DISP3: variants seen among roughly 807,000 people sequenced by gnomAD.
The protein encoded by DISP3 is protein dispatched homolog 3.
Under a neutral mutation model 135.3 loss-of-function variants are expected in DISP3, and 101 were observed. The observed-to-expected ratio is 0.75, with a 90% confidence interval of 0.64 to 0.88. The LOEUF (loss-of-function observed/expected upper bound fraction) is 0.88. Among genes scored for constraint, DISP3 ranks in the 40% least tolerant of loss-of-function variants. The pLI is 0.00. For missense variants in DISP3, 1,713 were observed against 1,878.6 expected, an observed-to-expected ratio of 0.91 and a Z score of 1.63; for synonymous variants, 856 against 817.0, an observed-to-expected ratio of 1.05 and a Z score of -0.81.
intron 1 of DISP3, among the ~76,000 whole-genome samples, chr1:11,500,319 G>A (rs978320873): frequency 1.3e-5 from 2 of 152,240 alleles, no homozygotes; most frequent in African/African-American, 4.8e-5. Flanking sequence ...TCCCCAGCCG[G>A]GAGCAGGGAA....
At position 11,499,435 on chromosome 1, in the gene DISP3, G is replaced by A. The variant is rs982766479; in HGVS notation, c.-3-1555G>A. On this transcript the variant is annotated intron_variant, in intron 1 of 20. Coordinates refer to ENST00000294484, the MANE Select transcript of DISP3 (RefSeq NM_020780.2). The surrounding 1 kb of genome is among the most constrained non-coding windows in gnomAD (Gnocchi z 5.2). Reference sequence around the variant, plus strand: ...CCCTTTGGAGATGGGGTGAGTCTGAGCTGCCTCCAGTGCGAATACAAATCG... The same window carrying A: ...CCCTTTGGAGATGGGGTGAGTCTGAACTGCCTCCAGTGCGAATACAAATCG... Among the ~76,000 whole-genome samples the A allele has an allele frequency of 1.3e-5, 2 of 152,142 alleles. No homozygotes were observed. Among genetic ancestry groups the A allele is most frequent in the Non-Finnish European group, 2.9e-5 (2 of 68,036 alleles).
At chr1:11,487,232 G>A (rs1641061466) in intron 1 of DISP3, among the ~76,000 whole-genome samples, 1 of 152,278 alleles carries the variant, frequency 6.6e-6, no homozygotes, top group African/African-American at 2.4e-5. Context: ...AGCCACCCTG[G>A]TCGGCAGCAG....
In DISP3 at chr1:11,516,069, C is replaced by T. The variant is rs1388520984; in HGVS notation, c.1657C>T (p.Arg553Cys). 4.3e-6 allele frequency: 7 copies of T among 1,614,088 alleles called. No homozygotes were observed. Among genetic ancestry groups the T allele is most frequent in the Non-Finnish European group, 5.9e-6 (7 of 1,179,986 alleles). The change falls in exon 6 of 21, where the codon CGC becomes TGC. Residue 553 changes from arginine (R) to cysteine (C), a missense_variant. Coordinates refer to ENST00000294484, the MANE Select transcript of DISP3 (RefSeq NM_020780.2). The surrounding 1 kb of genome is among the most constrained non-coding windows in gnomAD (Gnocchi z 5.1). ...QATHLEDPQL[R>C]MIHTVQTAGK... is the part of the protein sequence containing the mutation. The stretch of plus-strand genomic sequence containing the variant: ...CACCCACCTGGAAGACCCACAGCTG[C>T]GCATGATCCACACCGTCCAAACTGC...
At position 11,524,034 on chromosome 1, in the gene DISP3, C is replaced by T. The variant is rs368871244; in HGVS notation, c.2455C>T (p.Arg819Trp). The T allele has an allele frequency of 1.3e-5, 21 of 1,612,102 alleles. No homozygotes were observed. The highest frequency in any genetic ancestry group is 6.7e-5 in the African/African-American group (5 of 74,832). The change falls in exon 11 of 21, where the codon CGG (arginine) becomes TGG (tryptophan). Residue 819 changes from arginine to tryptophan, a missense_variant. Arg to Trp is a moderately radical substitution (Grantham distance 101). Transcript: ENST00000294484. ...AGGCTCAGGGGTCCCCTGGGCTAGCCGGCCTGAGGCCACCCTGCAGGGTGA... is the reference window on the plus strand; with the variant it reads ...AGGCTCAGGGGTCCCCTGGGCTAGCTGGCCTGAGGCCACCCTGCAGGGTGA... ...RRGSGVPWAS[R>W]PEATLQDFPG...
rs374782294 is a variant in DISP3, at chr1:11,529,049, C to G, written c.2799-507C>G. Among the ~76,000 whole-genome samples, 4 of 152,306 alleles carry G rather than the reference C, an allele frequency of 2.6e-5. No individual in the cohort carries two copies. The East Asian group carries it at 7.7e-4, about 29-fold the overall frequency. Reference sequence around the variant, plus strand: ...GGGTCAGGCAGGCTGCCTGGATGAGCTGGAAACATTCTAGAAAGAACTTTG... The same window carrying G: ...GGGTCAGGCAGGCTGCCTGGATGAGGTGGAAACATTCTAGAAAGAACTTTG... On this transcript the variant is annotated intron_variant, in intron 13 of 20. Coordinates refer to ENST00000294484, the MANE Select transcript of DISP3 (RefSeq NM_020780.2). The surrounding 1 kb of genome is among the most constrained non-coding windows in gnomAD (Gnocchi z 4.7).
At chr1:11,522,966 C>A (rs1359581805) in intron 10 of DISP3, among the ~76,000 whole-genome samples, 2 of 151,264 alleles carry the variant, frequency 1.3e-5, no homozygotes, top group Non-Finnish European at 3.0e-5. Flanking sequence ...AGGACCCAGC[C>A]AGGACCCAGC....
intron 1 of DISP3, among the ~76,000 whole-genome samples, chr1:11,494,064 G>C (rs1432222030): frequency 6.6e-6 from 1 of 152,210 alleles, no homozygotes; most frequent in Non-Finnish European, 1.5e-5. Context: ...ACCTGGTATG[G>C]CCAAAAGAGC....
rs770870660 is a variant in DISP3 at position 11,536,377 on chromosome 1, C to T, written c.3870C>T (p.Gly1290=). 7 of 1,609,198 alleles carry T rather than the reference C, an allele frequency of 4.3e-6. No homozygotes were observed. Among genetic ancestry groups the T allele is most frequent in the South Asian group, 2.2e-5 (2 of 91,090 alleles). The change falls in exon 21 of 21, where the codon GGC becomes GGT. Residue 1290 remains glycine (G), a synonymous_variant. Coordinates refer to ENST00000294484, the MANE Select transcript of DISP3 (RefSeq NM_020780.2). The surrounding 1 kb of genome is among the most constrained non-coding windows in gnomAD (Gnocchi z 4.3). ...WRTLEAVRHV[G]VAIVSSALTT... The stretch of plus-strand genomic sequence containing the variant: ...CGCTGGAGGCCGTGCGGCACGTGGG[C>T]GTGGCCATCGTCTCCAGTGCCCTCA...
chr1:11,516,020 G>T lies in DISP3; in HGVS notation c.1608G>T (p.Val536=), dbSNP rs776440957. 1 of 1,614,052 alleles carries T rather than the reference G, an allele frequency of 6.2e-7. No homozygotes were observed. Among genetic ancestry groups the T allele is most frequent in the Non-Finnish European group, 8.5e-7 (1 of 1,179,962 alleles). Residue 536 remains valine (V), a synonymous_variant, in exon 6 of 21, where the codon GTG becomes GTT. Transcript: ENST00000294484. This position sits in a 1 kb window ranked among gnomAD's most constrained non-coding sequence, Gnocchi z 5.1. ...IVGIGVDDVF[V]FINTYRQATH... ...CCACAGGTGTGGACGATGTCTTTGT[G>T]TTCATCAACACCTACCGCCAGGCCA... is the stretch of plus-strand genomic sequence containing the variant.
intron 3 of DISP3, among the ~76,000 whole-genome samples, chr1:11,512,838 G>A (rs1200651868): frequency 7.2e-5 from 11 of 152,172 alleles, no homozygotes; most frequent in Admixed American, 3.9e-4. Context: ...AGTTCCGCAT[G>A]GCTGGGGAGG....
rs1642710678 is a variant in DISP3 at position 11,536,556 on chromosome 1, C to A, written c.4049C>A (p.Thr1350Asn). The A allele has an allele frequency of 6.2e-7, 1 of 1,612,562 alleles. No individual in the cohort carries two copies. Among genetic ancestry groups the A allele is most frequent in the African/African-American group, 1.3e-5 (1 of 74,944 alleles). Residue 1350 changes from threonine (T) to asparagine (N), a missense_variant, in exon 21 of 21, where the codon ACT becomes AAT. Thr to Asn is a moderately conservative substitution (Grantham distance 65, BLOSUM62 0). Around this residue, in one of 2 missense-constraint regions of DISP3, gnomAD observed 1,142 missense variants for 1,384.6 expected, o/e 0.82. Coordinates refer to ENST00000294484, the MANE Select transcript of DISP3 (RefSeq NM_020780.2). This position sits in a 1 kb window ranked among gnomAD's most constrained non-coding sequence, Gnocchi z 4.3. ...GGCATCATGGCGCCCAGCTCTTTCA[C>A]TCGGACCCGGACTTCCTTCCTCAAG... ...LLGIMAPSSFTRTRTSFLKAL... is the reference protein window; with the variant it reads ...LLGIMAPSSFNRTRTSFLKAL...
At chr1:11,502,978 T>C in intron 3 of DISP3, 81 bp downstream of exon 3, 1 of 1,217,958 alleles carries the variant, frequency 8.2e-7, no homozygotes, top group Non-Finnish European at 1.1e-6. Context: ...CCCATATCCC[T>C]TTCCCTATAA....
In DISP3 at chr1:11,531,656, GGC is replaced by G; in HGVS notation, c.3322_3323del (p.Ala1108SerfsTer275). The G allele has an allele frequency of 6.2e-7, 1 of 1,613,044 alleles. No homozygotes were observed. Among genetic ancestry groups the G allele is most frequent in the Non-Finnish European group, 8.5e-7 (1 of 1,179,708 alleles). On this transcript the variant is annotated frameshift_variant, in exon 17 of 21. Coordinates refer to ENST00000294484, the MANE Select transcript of DISP3 (RefSeq NM_020780.2). LOFTEE classifies it high-confidence loss of function. This position sits in a 1 kb window ranked among gnomAD's most constrained non-coding sequence, Gnocchi z 5.2. ...TGCTCCCGGGGCAGCTGTCCCACGG[GGC>G]AGTGGGCGTCAGGGAGGGCCGCGTG... ...NLLPGQLSHG[A>X]VGVREGRVQW... is the part of the protein sequence containing the mutation.
At chr1:11,507,112 A>G (rs1447772006) in intron 3 of DISP3, among the ~76,000 whole-genome samples, 1 of 152,178 alleles carries the variant, frequency 6.6e-6, no homozygotes, top group African/African-American at 2.4e-5. Flanking sequence ...TGAAAAAAAC[A>G]CACACACACA....
At chr1:11,533,806 C>T in intron 17 of DISP3, 1 of 717,840 alleles carries the variant, frequency 1.4e-6, no homozygotes, top group Non-Finnish European at 2.6e-6. Context: ...GAGCAGATAC[C>T]TTAAGAATCT....
chr1:11,488,520 G>A (rs941543431), intron 1 of DISP3, among the ~76,000 whole-genome samples: 9 of 152,194 alleles, frequency 5.9e-5, no homozygotes, highest in African/African-American at 2.2e-4. Context: ...CTGGGCACCC[G>A]TGGTGGGGAA....
intron 13 of DISP3, among the ~76,000 whole-genome samples, chr1:11,527,698 G>A (rs61583627): frequency 0.016 from 2,499 of 152,286 alleles, 66 homozygotes; most frequent in African/African-American, 0.056. Context: ...AGGGGTTGCA[G>A]TGGCCACCTG....
intron 13 of DISP3, among the ~76,000 whole-genome samples, chr1:11,527,956 AC>A (rs748482938): frequency 2.3e-4 from 35 of 152,178 alleles, no homozygotes; most frequent in South Asian, 6.2e-4. Flanking sequence ...CTGCAGTGTT[AC>A]CTGTCTTCCC....
chr1:11,532,800 C>T (rs1013573740), intron 17 of DISP3, among the ~76,000 whole-genome samples: 5 of 151,950 alleles, frequency 3.3e-5, no homozygotes, highest in Non-Finnish European at 5.9e-5. Context: ...CGGGTTCAAG[C>T]ACTTCTCCCA....
Sources: allele counts gnomAD v4.1 joint callset (sites outside exome capture counted in the v4.1 genomes callset), GRCh38; gene constraint gnomAD v4.1.1; regional missense constraint gnomAD v4.1.1; non-coding constraint Gnocchi (gnomAD v3.1); transcripts MANE v1.5; gene names NCBI Gene and HGNC (gene_info 2026-07-23, HGNC 2026-07-21).